The following TRIP12 variants were observed in gnomAD, a reference collection of about 807,000 sequenced individuals.
The protein encoded by TRIP12 is thyroid hormone receptor interactor 12.
In TRIP12, 25 loss-of-function variants were observed where a neutral mutation model predicts 244.2. That is an observed-to-expected ratio of 0.10 (90% CI 0.07 to 0.14). The LOEUF is 0.14. TRIP12 is among the 10% of genes least tolerant of loss of function. The pLI, the probability that TRIP12 is intolerant of heterozygous loss-of-function variation, is 1.00. For missense variants in TRIP12, 1,677 were observed against 2,486.4 expected (o/e 0.67, Z 6.92); for synonymous variants, 905 against 873.1 (o/e 1.04, Z -0.64).
intron 18 of TRIP12, 44 bp from the exon 19 acceptor site, chr2:229,804,271 G>T: frequency 6.9e-7 from 1 of 1,458,370 alleles, no homozygotes; most frequent in South Asian, 1.3e-5. Context: ...TGAAGTGACA[G>T]ACTTCAGAAA....
chr2:229,891,341 C>A (rs1260286482), intron 1 of TRIP12, among the ~76,000 whole-genome samples: 1 of 152,032 alleles, frequency 6.6e-6, no homozygotes, highest in Non-Finnish European at 1.5e-5. Context: ...GGGAGGACTG[C>A]TTGAGCCTGG....
intron 27 of TRIP12, 74 bp from the exon 28 acceptor site, chr2:229,792,300 G>T: frequency 7.5e-7 from 1 of 1,339,608 alleles, no homozygotes; most frequent in Non-Finnish European, 1.1e-6. Context: ...TATACACACT[G>T]GTTAAACATA....
At chr2:229,888,672 G>A (rs1227890561) in intron 1 of TRIP12, among the ~76,000 whole-genome samples, 2 of 152,150 alleles carry the variant, frequency 1.3e-5, no homozygotes, top group Non-Finnish European at 2.9e-5. Flanking sequence ...GGGCGTGGTA[G>A]CGCGCCTGTA....
chr2:229,792,898 AATGT>A, intron 27 of TRIP12, 71 bp downstream of exon 27: 4 of 1,420,076 alleles, frequency 2.8e-6, no homozygotes, highest in Non-Finnish European at 3.8e-6. Flanking sequence ...ACAGAGAAAT[AATGT>A]ATGTAACTCT....
At chr2:229,796,811 A>G in intron 24 of TRIP12, 29 bp from the exon 25 acceptor site, 1 of 1,528,094 alleles carries the variant, frequency 6.5e-7, no homozygotes, top group Non-Finnish European at 8.8e-7. Context: ...GTATTTCTAT[A>G]TTGATTTAAG....
intron 34 of TRIP12, among the ~76,000 whole-genome samples, chr2:229,779,488 G>A (rs375701802): frequency 6.6e-6 from 1 of 152,114 alleles, no homozygotes; most frequent in African/African-American, 2.4e-5. Flanking sequence ...GTATATGCTT[G>A]CATATTTCAC....
At position 229,780,760 on chromosome 2, in the gene TRIP12, T is replaced by C. The variant is rs140384946; in HGVS notation, c.5095-1770A>G. Reference sequence around the variant, plus strand: ...ATGCTTCATCCTCTTATTTTTACTTTTCTTCCACATGGCCTAACATATATG... The same window carrying C: ...ATGCTTCATCCTCTTATTTTTACTTCTCTTCCACATGGCCTAACATATATG... On this transcript the variant is annotated intron_variant, in intron 34 of 41. Transcript: ENST00000675903. 1.9e-4 allele frequency among the ~76,000 whole-genome samples: 29 copies of C among 152,346 alleles called. No homozygotes were observed. In the East Asian group the frequency reaches 5.4e-3, roughly 28 times the overall value.
chr2:229,914,628 A>G (rs571178161), intron 1 of TRIP12, among the ~76,000 whole-genome samples: 53 of 152,358 alleles, frequency 3.5e-4, no homozygotes, highest in Non-Finnish European at 6.2e-4. Flanking sequence ...AATTAAGTTC[A>G]TCTGACCTTA....
At chr2:229,794,551 G>T (rs562900262) in intron 26 of TRIP12, among the ~76,000 whole-genome samples, 1 of 150,146 alleles carries the variant, frequency 6.7e-6, no homozygotes, top group East Asian at 1.9e-4. Flanking sequence ...GGGCAACAAA[G>T]TAAGACTCTG....
rs73099235 is a variant in TRIP12, at chr2:229,774,585, A to G, written c.5530-324T>C. On this transcript the variant is annotated intron_variant, in intron 37 of 41. Coordinates refer to ENST00000675903, the MANE Select transcript of TRIP12 (RefSeq NM_001348323.3). ...TTAATTTTAAGAATGTGGACCCTAGAACTAGACAAACTTTTCATAAATTCT... is the reference window on the plus strand; with the variant it reads ...TTAATTTTAAGAATGTGGACCCTAGGACTAGACAAACTTTTCATAAATTCT... Among the ~76,000 whole-genome samples, 685 of 152,324 alleles carry G rather than the reference A, an allele frequency of 4.5e-3. 6 individuals carry two copies. Among genetic ancestry groups the G allele is most frequent in the African/African-American group, 0.016 (661 of 41,574 alleles).
At chr2:229,888,398 G>C (rs2066506990) in intron 1 of TRIP12, among the ~76,000 whole-genome samples, 1 of 152,060 alleles carries the variant, frequency 6.6e-6, no homozygotes, top group Admixed American at 6.5e-5. Flanking sequence ...AGCATAAAGA[G>C]AGGAATACGC....
At position 229,797,713 on chromosome 2, in the gene TRIP12, C is replaced by A. The variant is rs1256441387; in HGVS notation, c.3601G>T (p.Ala1201Ser). ...ALNVLQRLCA[A>S]TEQLNLQVDG... ...ACCTGGAGGTTGAGTTGTTCGGTTGCAGCACAAAGTCTCTGAAGGACATTC... is the reference window on the plus strand; with the variant it reads ...ACCTGGAGGTTGAGTTGTTCGGTTGAAGCACAAAGTCTCTGAAGGACATTC... Residue 1201 changes from alanine to serine, a missense_variant, in exon 24 of 42, where the codon GCA (alanine) becomes TCA (serine). Ala to Ser is a moderately conservative substitution (Grantham distance 99). Around this residue, in one of 11 missense-constraint regions of TRIP12, gnomAD observed 572 missense variants for 867.8 expected, o/e 0.66. Transcript: ENST00000675903. The A allele has an allele frequency of 6.2e-7, 1 of 1,613,404 alleles. No individual in the cohort carries two copies. The highest frequency in any genetic ancestry group is 2.2e-5 in the East Asian group (1 of 44,848).
intron 10 of TRIP12, 30 bp downstream of exon 10, chr2:229,815,243 C>T: frequency 6.5e-7 from 1 of 1,545,402 alleles, no homozygotes; most frequent in African/African-American, 1.4e-5. Context: ...CTTAAATATA[C>T]ACCATTAAAA....
chr2:229,785,769 C>T lies in TRIP12; in HGVS notation c.5082G>A (p.Gln1694=). 6.2e-7 allele frequency: 1 copy of T among 1,613,694 alleles called. No individual in the cohort carries two copies. Among genetic ancestry groups the T allele is most frequent in the Non-Finnish European group, 8.5e-7 (1 of 1,179,818 alleles). Reference sequence around the variant, plus strand: ...ACTCCAAGCTCACCTCATTTTCATACTGGATTTCTAACATGGCCCGTGAGC... The same window carrying T: ...ACTCCAAGCTCACCTCATTTTCATATTGGATTTCTAACATGGCCCGTGAGC... The part of the protein sequence containing the change: ...LGSSRAMLEI[Q]YENEVGTGLG... Residue 1694 remains glutamine (Q), a synonymous_variant, in exon 34 of 42, where the codon CAG becomes CAA. Transcript: ENST00000675903.
At chr2:229,772,387 G>A (rs943635662) in intron 38 of TRIP12, among the ~76,000 whole-genome samples, 4 of 152,164 alleles carry the variant, frequency 2.6e-5, no homozygotes, top group Admixed American at 2.0e-4. Context: ...GAAGAAACAG[G>A]ATAAGAAGAC....
At chr2:229,888,304 G>C (rs1399306122) in intron 1 of TRIP12, among the ~76,000 whole-genome samples, 1 of 152,184 alleles carries the variant, frequency 6.6e-6, no homozygotes. Context: ...TGGATATACA[G>C]ATGGGAGAAA....
chr2:229,820,535 A>AG (rs1244762725), intron 8 of TRIP12, among the ~76,000 whole-genome samples: 1 of 152,206 alleles, frequency 6.6e-6, no homozygotes, highest in Admixed American at 6.5e-5. Context: ...TTTATTGATA[A>AG]TTTTAAAATA....
chr2:229,798,236 G>A (rs929926859), intron 23 of TRIP12, among the ~76,000 whole-genome samples: 1 of 152,134 alleles, frequency 6.6e-6, no homozygotes, highest in African/African-American at 2.4e-5. Flanking sequence ...AATAAGCTAT[G>A]GCAAATAAGA....
At chr2:229,889,256 G>A (rs954579622) in intron 1 of TRIP12, among the ~76,000 whole-genome samples, 2 of 152,026 alleles carry the variant, frequency 1.3e-5, no homozygotes, top group Non-Finnish European at 2.9e-5. Flanking sequence ...GAAGAAAGGA[G>A]GTAACCCTTC....
Sources: gnomAD v4.1 joint callset for allele counts (sites outside exome capture counted in the v4.1 genomes callset) on GRCh38, gnomAD v4.1.1 for gene constraint, gnomAD v4.1.1 regional missense constraint, MANE v1.5 for transcripts, NCBI Gene and HGNC (gene_info 2026-07-23, HGNC 2026-07-21) for gene names.